Variants in TMPRSS11B observed in about 807,000 individuals in gnomAD.
TMPRSS11B encodes transmembrane protease serine 11B.
In TMPRSS11B, 53 loss-of-function variants were observed where a neutral mutation model predicts 44.7. The observed-to-expected ratio is 1.19, with a 90% CI of 0.95 to 1.49. The LOEUF is 1.49. TMPRSS11B is among the 40% of genes most tolerant of loss of function. The probability of loss-of-function intolerance (pLI) is 0.00; values close to 1 mark genes in which losing one functional copy is unlikely to be tolerated. For missense variants in TMPRSS11B, 526 were observed against 494.8 expected, an observed-to-expected ratio of 1.06 and a Z score of -0.60; for synonymous variants, 140 against 159.2, an observed-to-expected ratio of 0.88 and a Z score of 0.91.
At position 68,227,958 on chromosome 4, in the gene TMPRSS11B, G is replaced by C; in HGVS notation, c.1204C>G (p.Arg402Gly). Residue 402 changes from arginine to glycine, a missense_variant, in exon 10 of 10, where the codon CGA (arginine) becomes GGA (glycine). Transcript: ENST00000332644. ...ATCCAATTGCGATAAGAAGTCACTC[G>C]AGTATAGACACCTGGCTTATTCTTT... ...GKKNKPGVYT[R>G]VTSYRNWITS... The C allele has an allele frequency of 1.2e-6, 2 of 1,613,090 alleles. No individual in the cohort carries two copies. Among genetic ancestry groups the C allele is most frequent in the Non-Finnish European group, 1.7e-6 (2 of 1,179,698 alleles).
chr4:68,229,905 C>T (rs1265272962), intron 7 of TMPRSS11B, among the ~76,000 whole-genome samples: 2 of 151,970 alleles, frequency 1.3e-5, no homozygotes, highest in African/African-American at 4.8e-5. Context: ...CTTTTTTTAC[C>T]CTCACCCTTC....
chr4:68,232,136 C>A (rs2109956930), intron 6 of TMPRSS11B: 2 of 288,706 alleles, frequency 6.9e-6, no homozygotes, highest in South Asian at 2.6e-4. Flanking sequence ...ATTTTTCACT[C>A]ACAGTTTTAT....
At chr4:68,243,557 T>C (rs1719923921) in intron 1 of TMPRSS11B, among the ~76,000 whole-genome samples, 1 of 152,174 alleles carries the variant, frequency 6.6e-6, no homozygotes, top group Non-Finnish European at 1.5e-5. Context: ...TATTTTTTCA[T>C]ACCAGAATGC....
chr4:68,236,070 CTGA>C lies in TMPRSS11B; in HGVS notation c.241-4_241-2del. 6.3e-7 allele frequency: 1 copy of C among 1,590,482 alleles called. No homozygotes were observed. The highest frequency in any genetic ancestry group is 8.5e-7 in the Non-Finnish European group (1 of 1,169,634). On this transcript the variant is annotated splice_acceptor_variant and splice_polypyrimidine_tract_variant and intron_variant, in intron 3 of 9. Transcript: ENST00000332644. LOFTEE classifies it high-confidence loss of function. ...TGGAATTTTGAAATGCATTTAACAT[CTGA>C]CAAGAGAAAAAAAACAGTCATCATG...
At chr4:68,229,589 A>C in intron 7 of TMPRSS11B, 73 bp from the exon 8 acceptor site, 1,988 of 1,368,038 alleles carry the variant, frequency 1.5e-3, no homozygotes, top group Non-Finnish European at 1.8e-3. Context: ...TGATTATCTC[A>C]TAATTTTAAG....
chr4:68,242,302 A>T (rs1223620745), intron 1 of TMPRSS11B, among the ~76,000 whole-genome samples: 12 of 61,890 alleles, frequency 1.9e-4, no homozygotes, highest in African/African-American at 4.4e-4. Context: ...TACATAATAT[A>T]ATATATATAA....
At position 68,241,620 on chromosome 4, in the gene TMPRSS11B, GT is replaced by G. The variant is rs201909019; in HGVS notation, c.124+68del. 3.1e-5 allele frequency: 30 copies of G among 952,448 alleles called. No homozygotes were observed. The East Asian group carries it at 4.0e-4, about 13-fold the overall frequency. The allele number at this position is 952,448 out of a possible 1,614,324, so 59.0% of individuals were successfully genotyped here. A position where few individuals can be genotyped will look rare whatever the true frequency, so the allele number is the denominator to read the frequency against. On this transcript the variant is annotated intron_variant, in intron 2 of 9. Transcript: ENST00000332644. ...CAAGAAGAAATTTAATGTTCATGTT[GT>G]TTTTTTTCAATTTTTAAAATTTAAA...
chr4:68,240,716 A>G (rs1719800397), intron 2 of TMPRSS11B, among the ~76,000 whole-genome samples: 1 of 152,176 alleles, frequency 6.6e-6, no homozygotes, highest in South Asian at 2.1e-4. Context: ...GATATGGCAG[A>G]CAGGAGATTG....
At chr4:68,236,856 C>G (rs1301691518) in intron 2 of TMPRSS11B, among the ~76,000 whole-genome samples, 1 of 151,868 alleles carries the variant, frequency 6.6e-6, no homozygotes, top group Non-Finnish European at 1.5e-5. Context: ...TTTGTATGCC[C>G]TTTGCCTGCT....
chr4:68,227,918 C>T lies in TMPRSS11B; in HGVS notation c.1244G>A (p.Gly415Glu). The change falls in exon 10 of 10, where the codon GGA becomes GAA. Residue 415 changes from glycine (G) to glutamate (E), a missense_variant. By Grantham distance (98) the Gly-to-Glu change is moderately conservative. Transcript: ENST00000332644. ...SYRNWITSKT[G>E]L ...TGTATAATTCCTTTTTTTTCAGAGT[C>T]CAGTCTTGGATGTAATCCAATTGCG... 1 of 1,602,636 alleles carries T rather than the reference C, an allele frequency of 6.2e-7. No homozygotes were observed. The highest frequency in any genetic ancestry group is 8.5e-7 in the Non-Finnish European group (1 of 1,176,120).
At chr4:68,234,372 C>A in intron 5 of TMPRSS11B, 91 bp downstream of exon 5, 2 of 1,410,306 alleles carry the variant, frequency 1.4e-6, no homozygotes, top group Non-Finnish European at 1.9e-6. Context: ...TCCCGAATTA[C>A]TAAAACTCTT....
intron 2 of TMPRSS11B, among the ~76,000 whole-genome samples, chr4:68,240,883 A>G (rs1295195030): frequency 2.0e-5 from 3 of 152,172 alleles, no homozygotes; most frequent in Admixed American, 6.6e-5. Context: ...CAGAGATATA[A>G]AACTCAGAAA....
intron 2 of TMPRSS11B, among the ~76,000 whole-genome samples, chr4:68,236,955 A>ATTG (rs1463644793): frequency 1.5e-5 from 2 of 131,776 alleles, no homozygotes; most frequent in Non-Finnish European, 3.3e-5. Context: ...TATTATTATT[A>ATTG]TACTTTAACT....
chr4:68,231,411 G>T (rs751351589), intron 6 of TMPRSS11B, 31 bp from the exon 7 acceptor site: 8 of 1,542,262 alleles, frequency 5.2e-6, no homozygotes. Flanking sequence ...CACGAGAGCA[G>T]GTATCTTTGA....
Position 68,227,931 on chromosome 4 carries a change from T to TAATC in TMPRSS11B, c.1227_1230dup (p.Thr411AspfsTer18). 1 of 1,612,296 alleles carries TAATC rather than the reference T, an allele frequency of 6.2e-7. No individual in the cohort carries two copies. The highest frequency in any genetic ancestry group is 8.5e-7 in the Non-Finnish European group (1 of 1,179,438). On this transcript the variant is annotated frameshift_variant, in exon 10 of 10. Transcript: ENST00000332644. LOFTEE classifies it high-confidence loss of function. The stretch of plus-strand genomic sequence containing the variant: ...TTTTTTCAGAGTCCAGTCTTGGATG[T>TAATC]AATCCAATTGCGATAAGAAGTCACT...
In TMPRSS11B at chr4:68,245,575, T is replaced by C; in HGVS notation, c.-17A>G. The C allele has an allele frequency of 1.2e-6, 2 of 1,613,354 alleles. No individual in the cohort carries two copies. Among genetic ancestry groups the C allele is most frequent in the Non-Finnish European group, 1.7e-6 (2 of 1,179,440 alleles). ...CCTGTACATAATGTTCTGATTGTTA[T>C]GGCAGTATCAGGTATAACGGTGGTA... On this transcript the variant is annotated 5_prime_UTR_variant, in exon 1 of 10. Coordinates refer to ENST00000332644, the MANE Select transcript of TMPRSS11B (RefSeq NM_182502.3).
At position 68,228,845 on chromosome 4, in the gene TMPRSS11B, A is replaced by C; in HGVS notation, c.986T>G (p.Ile329Ser). The part of the protein sequence containing the change: ...PVILQEDFLK[I>S]IDNKICNASY... ...GGCATTGCAAATTTTGTTGTCAATAATCTTCAAAAAGTCTTCTTGAAGTAT... is the reference window on the plus strand; with the variant it reads ...GGCATTGCAAATTTTGTTGTCAATACTCTTCAAAAAGTCTTCTTGAAGTAT... Residue 329 changes from isoleucine to serine, a missense_variant, in exon 9 of 10, where the codon ATT (isoleucine) becomes AGT (serine). By Grantham distance (142) the Ile-to-Ser change is moderately radical. Coordinates refer to ENST00000332644, the MANE Select transcript of TMPRSS11B (RefSeq NM_182502.3). The C allele has an allele frequency of 1.2e-6, 2 of 1,613,796 alleles. No individual in the cohort carries two copies. The highest frequency in any genetic ancestry group is 1.7e-6 in the Non-Finnish European group (2 of 1,179,876).
At chr4:68,229,194 G>A in intron 8 of TMPRSS11B, 63 bp downstream of exon 8, 1 of 1,299,044 alleles carries the variant, frequency 7.7e-7, no homozygotes, top group East Asian at 2.6e-5. Flanking sequence ...TTGATTGATT[G>A]ATTGATTGAT....
chr4:68,230,061 G>A (rs967473209), intron 7 of TMPRSS11B, among the ~76,000 whole-genome samples: 2 of 152,092 alleles, frequency 1.3e-5, no homozygotes, highest in Non-Finnish European at 2.9e-5. Flanking sequence ...ATAATAGCCT[G>A]CAACTGCATC....
Sources: gnomAD v4.1 joint callset for allele counts (sites outside exome capture counted in the v4.1 genomes callset) on GRCh38, gnomAD v4.1.1 for gene constraint, MANE v1.5 for transcripts, NCBI Gene and HGNC (gene_info 2026-07-23, HGNC 2026-07-21) for gene names.